Variants in EBF3 observed in about 807,000 individuals in gnomAD.
EBF3 encodes transcription factor COE3.
EBF3 carries 18 observed loss-of-function variants against 77.1 expected under a neutral mutation model. That is an observed-to-expected ratio of 0.23 (90% CI 0.16 to 0.35). The LOEUF is 0.35. EBF3 is among the 10% of genes least tolerant of loss of function. The probability of loss-of-function intolerance (pLI) is 1.00; values close to 1 mark genes in which losing one functional copy is unlikely to be tolerated. For missense variants in EBF3, 558 were observed against 860.0 expected, an observed-to-expected ratio of 0.65 and a Z score of 4.39; for synonymous variants, 350 against 343.5, an observed-to-expected ratio of 1.02 and a Z score of -0.21.
chr10:129,925,697 A>C (rs1393758669), intron 6 of EBF3, among the ~76,000 whole-genome samples: 4 of 152,140 alleles, frequency 2.6e-5, no homozygotes, highest in Admixed American at 2.6e-4. Context: ...AATGGTTACA[A>C]TGATAAATTT....
rs183532278 is a variant in EBF3, at chr10:129,855,521, C to T, written c.1040-7041G>A. 1.9e-3 allele frequency among the ~76,000 whole-genome samples: 286 copies of T among 152,316 alleles called. 1 individual carries two copies. The highest frequency in any genetic ancestry group is 5.7e-3 in the African/African-American group (237 of 41,562). On this transcript the variant is annotated intron_variant, in intron 10 of 16. Coordinates refer to ENST00000440978, the MANE Select transcript of EBF3 (RefSeq NM_001375380.1). ...AAGGCACGTGGCCTCCTCACTTCTC[C>T]GTGGCTTTCGCCTCTGGGGACGGGA...
chr10:129,871,101 C>T (rs1052840613), intron 8 of EBF3, among the ~76,000 whole-genome samples: 3 of 152,224 alleles, frequency 2.0e-5, no homozygotes, highest in African/African-American at 7.2e-5. Flanking sequence ...GCCCCGCAGC[C>T]TGGATTCAGT....
intron 6 of EBF3, among the ~76,000 whole-genome samples, chr10:129,940,643 C>T (rs192978283): frequency 2.0e-5 from 3 of 152,280 alleles, no homozygotes; most frequent in Admixed American, 2.0e-4. Context: ...CTACTGTGGG[C>T]GGGTGAGGAA....
intron 9 of EBF3, 143 bp from the exon 10 acceptor site, chr10:129,867,410 C>T (rs769239009): frequency 1.7e-5 from 22 of 1,332,290 alleles, no homozygotes; most frequent in African/African-American, 8.9e-5. Context: ...CCCAGAGTCC[C>T]GGGACCTACA....
At chr10:129,892,328 G>T (rs552472542) in intron 6 of EBF3, among the ~76,000 whole-genome samples, 1 of 152,210 alleles carries the variant, frequency 6.6e-6, no homozygotes, top group South Asian at 2.1e-4. Context: ...ACCCACTCCC[G>T]TAAAAGCAGT....
chr10:129,959,159 G>T (rs968330644), intron 4 of EBF3, 152 bp from the exon 5 acceptor site: 5 of 945,360 alleles, frequency 5.3e-6, no homozygotes, highest in Admixed American at 2.8e-5. Context: ...TCCCGATGGG[G>T]TCACCCTCGG....
intron 15 of EBF3, 60 bp downstream of exon 15, chr10:129,840,185 C>A: frequency 2.1e-5 from 29 of 1,368,818 alleles, no homozygotes; most frequent in African/African-American, 2.9e-5. Flanking sequence ...CCCACCCCCA[C>A]TCCCATCCCC....
At chr10:129,846,108 TTGTGTGTGTGTGTGTGTG>T (rs10530522) in intron 11 of EBF3, among the ~76,000 whole-genome samples, 7 of 139,608 alleles carry the variant, frequency 5.0e-5, no homozygotes, top group African/African-American at 1.1e-4. Flanking sequence ...ATTCTGGGCT[TTGTGTGTGTGTGTGTGTG>T]TGTGTGTGTG....
chr10:129,842,296 G>A lies in EBF3; in HGVS notation c.1195-3C>T, dbSNP rs202029747. ...GCCGCTCGCTTCAAGATGATCTCCT[G>A]CAGCAGGAGCAAGTGGGAGCCGGCC... is the stretch of plus-strand genomic sequence containing the variant. On this transcript the variant is annotated splice_region_variant and splice_polypyrimidine_tract_variant and intron_variant, in intron 12 of 16. Transcript: ENST00000440978. This position sits in a 1 kb window ranked among gnomAD's most constrained non-coding sequence, Gnocchi z 4.4. The A allele has an allele frequency of 1.3e-6, 2 of 1,576,534 alleles. No homozygotes were observed. The highest frequency in any genetic ancestry group is 2.3e-5 in the East Asian group (1 of 43,488).
At chr10:129,857,691 T>A (rs1259398342) in intron 10 of EBF3, among the ~76,000 whole-genome samples, 2 of 152,174 alleles carry the variant, frequency 1.3e-5, no homozygotes, top group Non-Finnish European at 2.9e-5. Flanking sequence ...GCCATCCAGA[T>A]ACCAGGCCCC....
At position 129,879,185 on chromosome 10, in the gene EBF3, G is replaced by A. The variant is rs1179739608; in HGVS notation, c.555-1336C>T. On this transcript the variant is annotated intron_variant, in intron 6 of 16. Transcript: ENST00000440978. The surrounding 1 kb of genome is among the most constrained non-coding windows in gnomAD (Gnocchi z 4.7). ...CTACCACTACCCACAGGAAAAGTGG[G>A]TGGGGGGGTTTCTCCCTGTATAACC... Among the ~76,000 whole-genome samples the A allele has an allele frequency of 1.3e-5, 2 of 152,122 alleles. No homozygotes were observed. The highest frequency in any genetic ancestry group is 4.8e-5 in the African/African-American group (2 of 41,430).
intron 6 of EBF3, among the ~76,000 whole-genome samples, chr10:129,930,383 C>T (rs149398889): frequency 0.072 from 9,996 of 138,024 alleles, 361 homozygotes; most frequent in East Asian, 0.14. Context: ...CTCTCATATA[C>T]CTATATCTAT....
chr10:129,960,705 A>G (rs1859447436), intron 4 of EBF3, among the ~76,000 whole-genome samples: 4 of 130,836 alleles, frequency 3.1e-5, no homozygotes, highest in African/African-American at 1.2e-4. Flanking sequence ...AGCCCTGTTT[A>G]TACTGCAAAG....
At chr10:129,880,481 A>C (rs1028275198) in intron 6 of EBF3, among the ~76,000 whole-genome samples, 1 of 150,504 alleles carries the variant, frequency 6.6e-6, no homozygotes, top group African/African-American at 2.4e-5. Context: ...ACATACGCAC[A>C]TACATATGCA....
chr10:129,890,477 A>G (rs1299236850), intron 6 of EBF3, among the ~76,000 whole-genome samples: 1 of 152,284 alleles, frequency 6.6e-6, no homozygotes, highest in Non-Finnish European at 1.5e-5. Flanking sequence ...TGTGACGTGC[A>G]CAGCGGGGCC....
chr10:129,838,958 C>T, intron 16 of EBF3, 125 bp downstream of exon 16: 1 of 956,012 alleles, frequency 1.0e-6, no homozygotes, highest in Non-Finnish European at 1.4e-6. Flanking sequence ...CCACCTGCCT[C>T]TGCAACGACC....
Position 129,843,202 on chromosome 10 carries a change from C to G in EBF3, c.1129G>C (p.Glu377Gln). The G allele has an allele frequency of 1.2e-6, 2 of 1,611,096 alleles. No homozygotes were observed. The highest frequency in any genetic ancestry group is 1.7e-6 in the Non-Finnish European group (2 of 1,178,660). ...HPGDPERLPK[E>Q]VLLKRAADLV... ...TCCGCCGCCCGCTTCAGTAACACCT[C>G]CTAAAGGAAGAGCAGACAGGAGGTG... The change falls in exon 12 of 17, where the codon GAG becomes CAG. Residue 377 changes from glutamate to glutamine, a missense_variant and splice_region_variant. Glu to Gln is a conservative substitution (Grantham distance 29). Transcript: ENST00000440978.
In EBF3 at chr10:129,842,559, T is replaced by A. The variant is rs1590039818; in HGVS notation, c.1195-266A>T. ...CAGGCGGATCATCTGAGGTCAGGAGTTCAAGACCAGCCTGGCCAACATGGC... is the reference window on the plus strand; with the variant it reads ...CAGGCGGATCATCTGAGGTCAGGAGATCAAGACCAGCCTGGCCAACATGGC... On this transcript the variant is annotated intron_variant, in intron 12 of 16. Coordinates refer to ENST00000440978, the MANE Select transcript of EBF3 (RefSeq NM_001375380.1). This position sits in a 1 kb window ranked among gnomAD's most constrained non-coding sequence, Gnocchi z 4.4. Among the ~76,000 whole-genome samples the A allele has an allele frequency of 6.7e-6, 1 of 150,178 alleles. No individual in the cohort carries two copies. Among genetic ancestry groups the A allele is most frequent in the African/African-American group, 2.5e-5 (1 of 40,790 alleles).
intron 5 of EBF3, 83 bp downstream of exon 5, chr10:129,958,851 C>A (rs912270689): frequency 1.5e-5 from 22 of 1,462,308 alleles, no homozygotes; most frequent in Non-Finnish European, 2.0e-5. Flanking sequence ...GGCGGGGTGG[C>A]GGCGCCTGGA....
Sources: allele counts gnomAD v4.1 joint callset (sites outside exome capture counted in the v4.1 genomes callset), GRCh38; gene constraint gnomAD v4.1.1; non-coding constraint Gnocchi (gnomAD v3.1); transcripts MANE v1.5; gene names NCBI Gene and HGNC (gene_info 2026-07-23, HGNC 2026-07-21).